ANPEP: variants seen among roughly 807,000 people sequenced by gnomAD.
ANPEP encodes alanyl aminopeptidase, membrane.
In ANPEP, 70 loss-of-function variants were observed where a neutral mutation model predicts 114.6. That is an observed-to-expected ratio of 0.61 (90% CI 0.50 to 0.75). The LOEUF (loss-of-function observed/expected upper bound fraction) is 0.75. ANPEP is among the 30% of genes least tolerant of loss of function. The pLI is 0.00. For missense variants in ANPEP, 1,184 were observed against 1,259.5 expected (o/e 0.94, Z 0.91); for synonymous variants, 548 against 522.3 (o/e 1.05, Z -0.67).
intron 15 of ANPEP, among the ~76,000 whole-genome samples, chr15:89,796,735 T>A (rs939758380): frequency 2.0e-5 from 3 of 152,004 alleles, no homozygotes; most frequent in Admixed American, 2.0e-4. Flanking sequence ...GACCTCGTGA[T>A]CCGCCTGCCT....
At chr15:89,805,744 G>A (rs1050190523) in intron 2 of ANPEP, among the ~76,000 whole-genome samples, 3 of 152,152 alleles carry the variant, frequency 2.0e-5, no homozygotes, top group African/African-American at 7.2e-5. Context: ...TCTGTCCAAG[G>A]GACGCTCTGT....
chr15:89,804,531 A>G lies in ANPEP; in HGVS notation c.984T>C (p.Phe328=). The G allele has an allele frequency of 6.8e-6, 11 of 1,614,216 alleles. No homozygotes were observed. The highest frequency in any genetic ancestry group is 9.3e-6 in the Non-Finnish European group (11 of 1,180,032). The part of the protein sequence containing the change: ...LNVTGPILNF[F]AGHYDTPYPL... ...GGTAGGGTGTGTCATAATGACCAGC[A>G]AAGAAGTTAAGGATGGGGCCCGTCA... The change falls in exon 5 of 21, where the codon TTT becomes TTC. Residue 328 remains phenylalanine, a synonymous_variant. Coordinates refer to ENST00000300060, the MANE Select transcript of ANPEP (RefSeq NM_001150.3).
intron 20 of ANPEP, among the ~76,000 whole-genome samples, chr15:89,787,516 A>C (rs1017637287): frequency 2.0e-5 from 3 of 152,262 alleles, no homozygotes; most frequent in African/African-American, 7.2e-5. Context: ...ATAGGATTTC[A>C]TCAAGATTTA....
intron 12 of ANPEP, among the ~76,000 whole-genome samples, chr15:89,800,598 G>C (rs1277051129): frequency 3.7e-5 from 4 of 108,138 alleles, no homozygotes; most frequent in Non-Finnish European, 7.0e-5. Flanking sequence ...TTTCGCTCTT[G>C]TTGCCCAGGC....
Position 89,804,310 on chromosome 15 carries a change from GGAGGACAGGGGGTCGAACAGCA to G in ANPEP, c.1100_1121del (p.Leu367ProfsTer12), listed in dbSNP as rs1354203974. On this transcript the variant is annotated frameshift_variant, in exon 6 of 21. Transcript: ENST00000300060. LOFTEE classifies it high-confidence loss of function. Reference sequence around the variant, plus strand: ...CCACCCGCTCCTTGTTGCTGCTGGAGGAGGACAGGGGGTCGAACAGCAGGGAGTTCTCCCGGTAGGTCACCAG... The same window carrying G: ...CCACCCGCTCCTTGTTGCTGCTGGAGGGGAGTTCTCCCGGTAGGTCACCAG... The G allele has an allele frequency of 6.2e-7, 1 of 1,614,090 alleles. No individual in the cohort carries two copies. Among genetic ancestry groups the G allele is most frequent in the Non-Finnish European group, 8.5e-7 (1 of 1,180,042 alleles).
chr15:89,810,983 T>C (rs1894805888), intron 1 of ANPEP, among the ~76,000 whole-genome samples: 2 of 152,230 alleles, frequency 1.3e-5, no homozygotes, highest in African/African-American at 4.8e-5. Context: ...CACAAGTCAG[T>C]GGTGCTGCCC....
At chr15:89,796,988 ATCCAGAATAAGCTCGAGTT>A (rs1968740217) in intron 15 of ANPEP, among the ~76,000 whole-genome samples, 1 of 152,180 alleles carries the variant, frequency 6.6e-6, no homozygotes, top group African/African-American at 2.4e-5. Context: ...TAGCTTATTC[ATCCAGAATAAGCTCGAGTT>A]TCCTTTTGGT....
Position 89,801,615 on chromosome 15 carries a change from T to C in ANPEP, c.1570-8A>G. On this transcript the variant is annotated splice_polypyrimidine_tract_variant and splice_region_variant and intron_variant, in intron 10 of 20. Coordinates refer to ENST00000300060, the MANE Select transcript of ANPEP (RefSeq NM_001150.3). ...GGACCGGTTGTTCACAGCCTGTGGG[T>C]GGAGCGAGAGGGCGTGGCCATCAGT... 1 of 1,612,600 alleles carries C rather than the reference T, an allele frequency of 6.2e-7. No homozygotes were observed. The highest frequency in any genetic ancestry group is 8.5e-7 in the Non-Finnish European group (1 of 1,179,158).
intron 15 of ANPEP, among the ~76,000 whole-genome samples, chr15:89,794,084 G>T (rs562756143): frequency 6.6e-6 from 1 of 152,336 alleles, no homozygotes; most frequent in South Asian, 2.1e-4. Flanking sequence ...GCTGGGACGC[G>T]CAGAAAGGGA....
chr15:89,800,804 C>G (rs1055782003), intron 12 of ANPEP, among the ~76,000 whole-genome samples: 2 of 152,134 alleles, frequency 1.3e-5, no homozygotes, highest in African/African-American at 2.4e-5. Context: ...CAGGTCGCCT[C>G]GGCCTCCCAA....
At chr15:89,814,598 C>G (rs1417485576) in intron 1 of ANPEP, among the ~76,000 whole-genome samples, 174 bp downstream of exon 1, 1 of 152,232 alleles carries the variant, frequency 6.6e-6, no homozygotes, top group Non-Finnish European at 1.5e-5. Flanking sequence ...CAAAAGAATT[C>G]TTCGCTTTCC....
Position 89,806,912 on chromosome 15 carries a change from C to T in ANPEP, c.-223-106G>A, listed in dbSNP as rs192089822. 3.0e-4 allele frequency: 90 copies of T among 296,648 alleles called. No homozygotes were observed. Among genetic ancestry groups the T allele is most frequent in the Non-Finnish European group, 4.8e-4 (74 of 155,526 alleles). 18.4% of individuals were successfully genotyped at this position (296,648 alleles called of 1,614,324 possible). On this transcript the variant is annotated intron_variant, in intron 1 of 20. Transcript: ENST00000300060. This position sits in a 1 kb window ranked among gnomAD's most constrained non-coding sequence, Gnocchi z 5.7. ...CTGTAGGCCCAGTGGGCAAAGCAAG[C>T]GGCCAGGTGGCATTGCATTGATCTG...
chr15:89,797,808 G>A, intron 14 of ANPEP, 86 bp from the exon 15 acceptor site: 1 of 1,566,792 alleles, frequency 6.4e-7, no homozygotes, highest in Non-Finnish European at 8.7e-7. Flanking sequence ...CCTCAAAGAT[G>A]CTCCACACCC....
At position 89,799,660 on chromosome 15, in the gene ANPEP, C is replaced by A. The variant is rs1894546156; in HGVS notation, c.1820-101G>T. 21 of 1,534,266 alleles carry A rather than the reference C, an allele frequency of 1.4e-5. No individual in the cohort carries two copies. The highest frequency in any genetic ancestry group is 1.9e-5 in the Non-Finnish European group (21 of 1,124,314). ...CTGCCCCCGCAGCCTGGCACCACCT[C>A]ACCCTCAAGCTGCTGGGGAGACGCT... On this transcript the variant is annotated intron_variant, in intron 12 of 20. Coordinates refer to ENST00000300060, the MANE Select transcript of ANPEP (RefSeq NM_001150.3). The surrounding 1 kb of genome is among the most constrained non-coding windows in gnomAD (Gnocchi z 4.2).
Position 89,790,552 on chromosome 15 carries a change from GGA to G in ANPEP, c.2670-13_2670-12del, listed in dbSNP as rs754015242. On this transcript the variant is annotated splice_polypyrimidine_tract_variant and intron_variant, in intron 19 of 20. Coordinates refer to ENST00000300060, the MANE Select transcript of ANPEP (RefSeq NM_001150.3). Reference sequence around the variant, plus strand: ...GAGCCACCACCATAACTGCAGGGAGGGAGAGAGGTGAACTGTGAGGGAGGCCG... The same window carrying G: ...GAGCCACCACCATAACTGCAGGGAGGGAGAGGTGAACTGTGAGGGAGGCCG... The G allele has an allele frequency of 1.2e-6, 2 of 1,611,754 alleles. No homozygotes were observed. The highest frequency in any genetic ancestry group is 1.7e-6 in the Non-Finnish European group (2 of 1,178,092).
chr15:89,812,837 C>T (rs988729481), intron 1 of ANPEP, among the ~76,000 whole-genome samples: 3 of 152,166 alleles, frequency 2.0e-5, no homozygotes, highest in Admixed American at 6.5e-5. Flanking sequence ...TAAAAATGTC[C>T]TCCCATACAG....
intron 20 of ANPEP, among the ~76,000 whole-genome samples, chr15:89,788,632 G>T (rs1400636595): frequency 6.6e-6 from 1 of 151,996 alleles, no homozygotes; most frequent in African/African-American, 2.4e-5. Flanking sequence ...ACAGGGTCTT[G>T]CTCTGTCACC....
chr15:89,800,750 G>A (rs913442442), intron 12 of ANPEP, among the ~76,000 whole-genome samples: 2 of 151,888 alleles, frequency 1.3e-5, no homozygotes, highest in African/African-American at 4.8e-5. Context: ...TAGTAGAAAT[G>A]GGGTTTCTCC....
At position 89,803,327 on chromosome 15, in the gene ANPEP, G is replaced by GAA. The variant is rs755428214; in HGVS notation, c.1504-24_1504-23insTT. ...GGACTGTGGAAAGACGGGGCACAGT[G>GAA]AGAGCACAGCTGGAGCCCCCCAGGC... On this transcript the variant is annotated intron_variant, in intron 9 of 20. Transcript: ENST00000300060. The surrounding 1 kb of genome is among the most constrained non-coding windows in gnomAD (Gnocchi z 4.2). 25 of 1,613,774 alleles carry GAA rather than the reference G, an allele frequency of 1.5e-5. No individual in the cohort carries two copies. The highest frequency in any genetic ancestry group is 2.1e-5 in the Non-Finnish European group (25 of 1,179,782).
Sources: gnomAD v4.1 joint callset for allele counts (sites outside exome capture counted in the v4.1 genomes callset) on GRCh38, gnomAD v4.1.1 for gene constraint, Gnocchi (gnomAD v3.1) non-coding constraint, MANE v1.5 for transcripts, NCBI Gene and HGNC (gene_info 2026-07-23, HGNC 2026-07-21) for gene names.